Variants in GRIP2 observed in about 807,000 individuals in gnomAD.
The protein encoded by GRIP2 is glutamate receptor-interacting protein 2.
GRIP2 carries 58 observed loss-of-function variants against 108.3 expected under a neutral mutation model. The observed-to-expected ratio is 0.54, with a 90% CI of 0.43 to 0.67. The LOEUF (loss-of-function observed/expected upper bound fraction) is 0.67, where lower values mean the gene tolerates loss of function less well. Ranked by LOEUF, GRIP2 falls within the 30% of genes least tolerant of loss-of-function variation. The probability of loss-of-function intolerance (pLI) is 0.00; values close to 1 mark genes in which losing one functional copy is unlikely to be tolerated. For missense variants in GRIP2, 1,278 were observed against 1,430.6 expected (o/e 0.89, Z 1.72); for synonymous variants, 586 against 598.2 (o/e 0.98, Z 0.30).
At chr3:14,582,290 C>T in the GRIP2 span, among the ~76,000 whole-genome samples, 5 of 152,176 alleles carry the variant, frequency 3.3e-5, no homozygotes, top group African/African-American at 1.2e-4. Flanking sequence ...ATTTACTGGC[C>T]GCTTGGATCA....
the GRIP2 span, among the ~76,000 whole-genome samples, chr3:14,565,573 C>T: frequency 4.6e-5 from 7 of 150,990 alleles, no homozygotes; most frequent in Admixed American, 4.6e-4. Context: ...CCCCAAGTCC[C>T]GAAGGCCCGG....
At position 14,524,426 on chromosome 3, in the gene GRIP2, C is replaced by A; in HGVS notation, c.370G>T (p.Val124Leu). 1.9e-6 allele frequency: 3 copies of A among 1,608,652 alleles called. No homozygotes were observed. Among genetic ancestry groups the A allele is most frequent in the Non-Finnish European group, 2.5e-6 (3 of 1,177,896 alleles). Residue 124 changes from valine (V) to leucine (L), a missense_variant, in exon 4 of 24, where the codon GTG becomes TTG. Transcript: ENST00000621039. ...GGCAGCTCATACTCCACCTCCAGCA[C>A]CACGCGCTCGCCCACATTCTTGAGC... The part of the protein sequence containing the change: ...TLLKNVGERV[V>L]LEVEYELPPP...
the GRIP2 span, among the ~76,000 whole-genome samples, chr3:14,564,915 T>C: frequency 4.5e-3 from 689 of 152,298 alleles, 6 homozygotes; most frequent in Middle Eastern, 0.017. Context: ...CACCCTGCTA[T>C]TCTAAACACA....
At chr3:14,527,391 A>AGGAAAGGAAAGGAAAG (rs72297166) in intron 1 of GRIP2, among the ~76,000 whole-genome samples, 2 of 140,738 alleles carry the variant, frequency 1.4e-5, no homozygotes, top group South Asian at 2.5e-4. Context: ...AGGAAAGGAA[A>AGGAAAGGAAAGGAAAG]GAAAGGAAAG....
chr3:14,574,743 A>T, the GRIP2 span: 2 of 472,702 alleles, frequency 4.2e-6, no homozygotes, highest in Admixed American at 3.0e-5. Context: ...GCAGCCTTTC[A>T]TCAGTGCTGC....
upstream of GRIP2, chr3:14,540,502 C>G: frequency 1.5e-6 from 2 of 1,332,808 alleles, no homozygotes; most frequent in Non-Finnish European, 2.0e-6. The surrounding 1 kb of genome is among the most constrained non-coding windows in gnomAD (Gnocchi z 4.1). Flanking sequence ...GGCTCCAGGA[C>G]AGGGTCCAAC....
chr3:14,601,070 A>T, the GRIP2 span, among the ~76,000 whole-genome samples: 24,540 of 148,524 alleles, frequency 0.17, 2,022 homozygotes, highest in Middle Eastern at 0.27. Context: ...TCTCTCTCAC[A>T]CACACACACA....
At chr3:14,568,027 G>A in the GRIP2 span, among the ~76,000 whole-genome samples, 98 of 152,338 alleles carry the variant, frequency 6.4e-4, no homozygotes, top group Middle Eastern at 3.4e-3. Flanking sequence ...CCAGCAAGGA[G>A]GCCAGGGCTG....
the GRIP2 span, chr3:14,573,726 C>T: frequency 2.8e-6 from 4 of 1,443,166 alleles, no homozygotes; most frequent in East Asian, 2.3e-5. Flanking sequence ...TGGCCACTCA[C>T]GGGGGTCCTC....
At chr3:14,516,724 A>G (rs751724908) in intron 11 of GRIP2, among the ~76,000 whole-genome samples, 1 of 152,232 alleles carries the variant, frequency 6.6e-6, no homozygotes, top group Non-Finnish European at 1.5e-5. Flanking sequence ...TGAATGAATC[A>G]GGACTGAATG....
At chr3:14,587,074 T>C in the GRIP2 span, among the ~76,000 whole-genome samples, 1 of 152,216 alleles carries the variant, frequency 6.6e-6, no homozygotes, top group Non-Finnish European at 1.5e-5. Flanking sequence ...AGTCTATATT[T>C]AACAACAATT....
intron 17 of GRIP2, among the ~76,000 whole-genome samples, chr3:14,508,567 C>A (rs1693993774): frequency 1.3e-5 from 2 of 152,248 alleles, no homozygotes; most frequent in South Asian, 4.1e-4. Flanking sequence ...CATTGCCCTG[C>A]ACTTCCCCAG....
intron 21 of GRIP2, among the ~76,000 whole-genome samples, chr3:14,502,503 AAG>A (rs532027571): frequency 1.3e-5 from 2 of 151,638 alleles, no homozygotes; most frequent in South Asian, 2.1e-4. Flanking sequence ...CAAAAAAAAA[AAG>A]AGAGAGAGAG....
chr3:14,594,111 C>A, the GRIP2 span, among the ~76,000 whole-genome samples: 1 of 152,184 alleles, frequency 6.6e-6, no homozygotes, highest in South Asian at 2.1e-4. Flanking sequence ...CTGGGATGGC[C>A]CTGAAGAGAC....
In GRIP2 at chr3:14,522,890, G is replaced by A. The variant is rs1002712389; in HGVS notation, c.566+110C>T. The A allele has an allele frequency of 2.3e-6, 2 of 886,026 alleles. No individual in the cohort carries two copies. The highest frequency in any genetic ancestry group is 2.5e-5 in the East Asian group (1 of 40,740). The allele number at this position is 886,026 out of a possible 1,614,324, so 54.9% of individuals were successfully genotyped here. A position where few individuals can be genotyped will look rare whatever the true frequency, so the allele number is the denominator to read the frequency against. On this transcript the variant is annotated intron_variant, in intron 6 of 23. Transcript: ENST00000621039. The surrounding 1 kb of genome is among the most constrained non-coding windows in gnomAD (Gnocchi z 4.3). ...ACCGGGCAGGGAGTGTTCCCTCAGG[G>A]CCTCGATCTCTTCATCTGGGGAAGG...
chr3:14,517,276 G>T (rs1694275865), intron 10 of GRIP2, 63 bp from the exon 11 acceptor site: 1 of 1,470,936 alleles, frequency 6.8e-7, no homozygotes, highest in East Asian at 2.5e-5. Context: ...ACCACACAGT[G>T]GGTGCTGGGA....
In GRIP2 at chr3:14,524,481, G is replaced by A. The variant is rs1410543730; in HGVS notation, c.315C>T (p.Thr105=). The change falls in exon 4 of 24, where the codon ACC becomes ACT. Residue 105 remains threonine, a synonymous_variant. Transcript: ENST00000621039. ...YIRSVNGIHL[T]RLRHDEIITL... is the part of the protein sequence containing the mutation. Reference sequence around the variant, plus strand: ...TGATGATCTCATCGTGGCGGAGCCTGGTCAGGTGGATCCCGTTCACAGACC... The same window carrying A: ...TGATGATCTCATCGTGGCGGAGCCTAGTCAGGTGGATCCCGTTCACAGACC... 3.2e-6 allele frequency: 5 copies of A among 1,576,302 alleles called. No individual in the cohort carries two copies. The highest frequency in any genetic ancestry group is 4.3e-6 in the Non-Finnish European group (5 of 1,160,618).
the GRIP2 span, among the ~76,000 whole-genome samples, chr3:14,584,937 G>C: frequency 2.0e-5 from 3 of 152,230 alleles, no homozygotes; most frequent in African/African-American, 7.2e-5. Context: ...TCCCCAAGGG[G>C]CCACCTGCCA....
chr3:14,560,838 C>T (rs953815676), upstream of GRIP2, among the ~76,000 whole-genome samples: 39 of 152,260 alleles, frequency 2.6e-4, no homozygotes, highest in African/African-American at 9.4e-4. Flanking sequence ...CAGTGTCTTC[C>T]TCATCTCAGA....
Sources: allele counts gnomAD v4.1 joint callset (sites outside exome capture counted in the v4.1 genomes callset), GRCh38; gene constraint gnomAD v4.1.1; non-coding constraint Gnocchi (gnomAD v3.1); transcripts MANE v1.5; gene names NCBI Gene and HGNC (gene_info 2026-07-23, HGNC 2026-07-21).